The following DAB1 variants were observed in gnomAD, a reference collection of about 807,000 sequenced individuals.
DAB1 encodes DAB adaptor protein 1, also known as disabled homolog 1.
In DAB1, 15 loss-of-function variants were observed where a neutral mutation model predicts 64.6. The ratio of observed to expected loss-of-function variants is 0.23; its 90% confidence interval spans 0.16 to 0.36. The LOEUF (loss-of-function observed/expected upper bound fraction) is 0.36, where lower values mean the gene tolerates loss of function less well. Among genes scored for constraint, DAB1 ranks in the 10% least tolerant of loss-of-function variants. The pLI, the probability that DAB1 is intolerant of heterozygous loss-of-function variation, is 1.00. For synonymous variants in DAB1, 235 were observed against 251.9 expected, an observed-to-expected ratio of 0.93 and a Z score of 0.64; for missense variants, 596 against 706.7, an observed-to-expected ratio of 0.84 and a Z score of 1.78.
intron 4 of DAB1, among the ~76,000 whole-genome samples, chr1:57,083,276 A>C (rs1414547977): frequency 6.6e-6 from 1 of 152,206 alleles, no homozygotes; most frequent in African/African-American, 2.4e-5. Context: ...GGCTGGCTCC[A>C]GACTCTAGGC....
intron 1 of DAB1, among the ~76,000 whole-genome samples, chr1:57,350,196 T>C (rs943508592): frequency 6.6e-6 from 1 of 152,170 alleles, no homozygotes; most frequent in Non-Finnish European, 1.5e-5. Context: ...CTTCAAGTGA[T>C]TTATAATGCA....
intron 1 of DAB1, among the ~76,000 whole-genome samples, chr1:57,362,301 CACA>C (rs1254457959): frequency 1.3e-5 from 2 of 151,800 alleles, no homozygotes; most frequent in Non-Finnish European, 2.9e-5. Context: ...GAGACTAACA[CACA>C]ACATGTGCTC....
chr1:57,533,483 T>A (rs1644688782), intron 7 of DAB1, among the ~76,000 whole-genome samples: 1 of 150,508 alleles, frequency 6.6e-6, no homozygotes, highest in African/African-American at 2.4e-5. Flanking sequence ...GTGAGGTCAC[T>A]GAAACCAGAA....
At chr1:58,159,272 C>T (rs768668497) in intron 4 of DAB1, among the ~76,000 whole-genome samples, 1 of 152,182 alleles carries the variant, frequency 6.6e-6, no homozygotes, top group African/African-American at 2.4e-5. Flanking sequence ...CCTCTAAAGA[C>T]TCATTCAAGT....
At chr1:57,579,653 T>C (rs1345661413) in intron 7 of DAB1, among the ~76,000 whole-genome samples, 1 of 152,134 alleles carries the variant, frequency 6.6e-6, no homozygotes, top group Non-Finnish European at 1.5e-5. Context: ...TCAGACTCCC[T>C]AGGGGCTACC....
At chr1:57,823,937 T>C (rs893576552), downstream of DAB1, among the ~76,000 whole-genome samples, 1 of 152,232 alleles carries the variant, frequency 6.6e-6, no homozygotes, top group Non-Finnish European at 1.5e-5. Context: ...AGGAAGCCCA[T>C]GTTCTTTCTA....
chr1:58,402,955 C>A (rs115892409), intron 3 of DAB1, among the ~76,000 whole-genome samples: 1,856 of 152,128 alleles, frequency 0.012, 17 homozygotes, highest in Admixed American at 0.02. Flanking sequence ...ACAGTAACTC[C>A]CCAGCCCTGA....
At chr1:58,035,971 C>A (rs965688156) in intron 5 of DAB1, among the ~76,000 whole-genome samples, 1 of 152,078 alleles carries the variant, frequency 6.6e-6, no homozygotes, top group Non-Finnish European at 1.5e-5. Context: ...CATCCGTGTA[C>A]GGTTGATGTT....
At chr1:57,871,856 G>A (rs1386320559) in intron 1 of DAB1, among the ~76,000 whole-genome samples, 1 of 152,100 alleles carries the variant, frequency 6.6e-6, no homozygotes, top group Non-Finnish European at 1.5e-5. Context: ...CACTACAGGA[G>A]TGACAGCTCT....
chr1:58,024,428 T>C (rs909321734), intron 5 of DAB1, among the ~76,000 whole-genome samples: 1 of 152,208 alleles, frequency 6.6e-6, no homozygotes, highest in South Asian at 2.1e-4. Flanking sequence ...AGCAGAGTTA[T>C]TGTGTGCATA....
chr1:57,217,475 C>T (rs1302879088), intron 2 of DAB1, among the ~76,000 whole-genome samples: 1 of 151,868 alleles, frequency 6.6e-6, no homozygotes, highest in Non-Finnish European at 1.5e-5. Context: ...TCATAGTCTC[C>T]AACTAGAGGA....
At chr1:58,232,476 T>TACAC (rs58863239) in intron 4 of DAB1, among the ~76,000 whole-genome samples, 4,054 of 144,042 alleles carry the variant, frequency 0.028, 104 homozygotes, top group East Asian at 0.092. Flanking sequence ...TCTGAGTGAA[T>TACAC]ACACACACAC....
At chr1:57,979,720 T>C (rs1027310424) in intron 5 of DAB1, among the ~76,000 whole-genome samples, 1 of 152,218 alleles carries the variant, frequency 6.6e-6, no homozygotes, top group Non-Finnish European at 1.5e-5. Flanking sequence ...TTATGTTAAG[T>C]ACATTGATAA....
chr1:57,382,602 A>G (rs1007800703), intron 1 of DAB1, among the ~76,000 whole-genome samples: 1 of 152,076 alleles, frequency 6.6e-6, no homozygotes, highest in Non-Finnish European at 1.5e-5. Context: ...GCTTTTTCCA[A>G]CTTTTAAAAG....
intron 6 of DAB1, among the ~76,000 whole-genome samples, chr1:57,656,685 C>T (rs1191135901): frequency 1.3e-5 from 2 of 152,168 alleles, no homozygotes; most frequent in Non-Finnish European, 2.9e-5. Flanking sequence ...ACTATGTTTG[C>T]TATCTTTCCA....
At chr1:57,853,335 A>C (rs923241643) in intron 1 of DAB1, among the ~76,000 whole-genome samples, 10 of 152,264 alleles carry the variant, frequency 6.6e-5, no homozygotes, top group African/African-American at 2.4e-4. Flanking sequence ...TAGTTAGCTA[A>C]GTTGGTGATA....
intron 3 of DAB1, among the ~76,000 whole-genome samples, chr1:58,373,222 G>T (rs1314886725): frequency 6.9e-6 from 1 of 145,274 alleles, no homozygotes; most frequent in Non-Finnish European, 1.5e-5. Flanking sequence ...TGCACATTGT[G>T]CAGGTCAGTT....
chr1:57,260,461 C>T (rs1370102399), intron 2 of DAB1, among the ~76,000 whole-genome samples: 1 of 152,162 alleles, frequency 6.6e-6, no homozygotes, highest in Admixed American at 6.5e-5. Flanking sequence ...GCTACACATC[C>T]GGATTCCACA....
At chr1:58,473,697 C>G (rs529577916) in intron 3 of DAB1, 1 of 367,906 alleles carries the variant, frequency 2.7e-6, no homozygotes, top group Non-Finnish European at 5.0e-6. Flanking sequence ...TGAATGCTAG[C>G]CATTATTATT....
Sources: allele counts gnomAD v4.1 joint callset (sites outside exome capture counted in the v4.1 genomes callset), GRCh38; gene constraint gnomAD v4.1.1; transcripts MANE v1.5; gene names NCBI Gene and HGNC (gene_info 2026-07-23, HGNC 2026-07-21).